The following AGBL1 variants were observed in gnomAD, a reference collection of about 807,000 sequenced individuals.
AGBL1 encodes the protein cytosolic carboxypeptidase 4.
AGBL1 carries 130 observed loss-of-function variants against 118.9 expected under a neutral mutation model. The ratio of observed to expected loss-of-function variants is 1.09; its 90% CI spans 0.95 to 1.26. AGBL1 has a LOEUF of 1.26. Among genes scored for constraint, AGBL1 ranks in the 50% most tolerant of loss-of-function variants. The probability of loss-of-function intolerance (pLI) is 0.00; values close to 1 mark genes in which losing one functional copy is unlikely to be tolerated. For missense variants in AGBL1, 1,584 were observed against 1,298.1 expected (o/e 1.22, Z -3.38); for synonymous variants, 555 against 478.9 (o/e 1.16, Z -2.08).
chr15:86,192,218 T>C (rs1885687209), intron 5 of AGBL1, among the ~76,000 whole-genome samples: 4 of 150,714 alleles, frequency 2.7e-5, no homozygotes, highest in African/African-American at 9.7e-5. Context: ...AATTTATAAA[T>C]TTATAATAAA....
chr15:86,391,729 G>A (rs960723918), intron 17 of AGBL1, among the ~76,000 whole-genome samples: 3 of 132,016 alleles, frequency 2.3e-5, no homozygotes, highest in African/African-American at 8.6e-5. Context: ...AAGGGCTGCA[G>A]AAGCAGGCAG....
At chr15:86,882,355 T>C (rs1290485411) in intron 22 of AGBL1, among the ~76,000 whole-genome samples, 1 of 152,172 alleles carries the variant, frequency 6.6e-6, no homozygotes, top group African/African-American at 2.4e-5. Context: ...AATCAAATAA[T>C]AAAACATCTC....
At chr15:86,790,375 C>T (rs373820541) in intron 22 of AGBL1, among the ~76,000 whole-genome samples, 37 of 151,616 alleles carry the variant, frequency 2.4e-4, no homozygotes, top group South Asian at 2.1e-4. Context: ...CACGCATGCA[C>T]GCACGCACAC....
intron 21 of AGBL1, among the ~76,000 whole-genome samples, chr15:86,638,309 A>G (rs1423913446): frequency 6.6e-6 from 1 of 152,174 alleles, no homozygotes; most frequent in Non-Finnish European, 1.5e-5. Flanking sequence ...GAAATTTTCT[A>G]TGAATACTTC....
intron 21 of AGBL1, among the ~76,000 whole-genome samples, chr15:86,599,659 G>A (rs1361745555): frequency 2.6e-5 from 4 of 152,070 alleles, no homozygotes; most frequent in Non-Finnish European, 4.4e-5. Context: ...CAATGGCCCA[G>A]TAAGCTATCA....
chr15:86,572,661 G>A (rs1213765548), intron 21 of AGBL1, among the ~76,000 whole-genome samples: 2 of 152,196 alleles, frequency 1.3e-5, no homozygotes, highest in South Asian at 2.1e-4. Context: ...TGTTGGGGGC[G>A]GTGCAGTCGG....
chr15:86,833,565 T>C (rs939704172), intron 22 of AGBL1, among the ~76,000 whole-genome samples: 2 of 152,076 alleles, frequency 1.3e-5, no homozygotes, highest in Non-Finnish European at 2.9e-5. Context: ...GAACTGTAGG[T>C]CCAATTAAAC....
chr15:86,829,871 C>A (rs1414682665), intron 22 of AGBL1, among the ~76,000 whole-genome samples: 1 of 152,056 alleles, frequency 6.6e-6, no homozygotes, highest in Non-Finnish European at 1.5e-5. Flanking sequence ...TTGTTCAGTT[C>A]ATTGCAGAAT....
At chr15:86,901,189 G>A (rs945012998) in intron 22 of AGBL1, among the ~76,000 whole-genome samples, 2 of 152,064 alleles carry the variant, frequency 1.3e-5, no homozygotes, top group African/African-American at 4.8e-5. Context: ...TTTCAAATAT[G>A]TTGACTAGGT....
chr15:86,730,944 C>A (rs1366777103), intron 22 of AGBL1, among the ~76,000 whole-genome samples: 5 of 152,110 alleles, frequency 3.3e-5, no homozygotes, highest in Non-Finnish European at 7.3e-5. Context: ...TCTCTTGCCT[C>A]AGTCTCCCGA....
chr15:87,028,962 C>G (rs2081761328), exon 25 of AGBL1: 9 of 1,112,524 alleles, frequency 8.1e-6, no homozygotes, highest in African/African-American at 1.6e-5. Flanking sequence ...AAATGTTGCT[C>G]CATCATCCCT....
chr15:86,341,065 G>A (rs2080454401), intron 17 of AGBL1, among the ~76,000 whole-genome samples: 1 of 152,170 alleles, frequency 6.6e-6, no homozygotes. Flanking sequence ...GGGAGTCCAG[G>A]CTTCTCACAT....
intron 16 of AGBL1, among the ~76,000 whole-genome samples, chr15:86,286,391 T>C (rs921847789): frequency 1.3e-5 from 2 of 151,214 alleles, no homozygotes; most frequent in African/African-American, 4.8e-5. Flanking sequence ...TACTATGCAA[T>C]AGATGACCAG....
intron 17 of AGBL1, among the ~76,000 whole-genome samples, chr15:86,377,459 T>C (rs12595005): frequency 0.043 from 6,535 of 152,202 alleles, 289 homozygotes; most frequent in East Asian, 0.21. Flanking sequence ...TCTAGCAGCA[T>C]TTTTGCTCTA....
At chr15:86,328,013 T>A (rs973297648) in intron 17 of AGBL1, among the ~76,000 whole-genome samples, 4 of 152,232 alleles carry the variant, frequency 2.6e-5, no homozygotes, top group Admixed American at 6.5e-5. Context: ...TTTTTAAGCC[T>A]CTGTTTTCCT....
At chr15:86,089,090 A>G (rs543987537) in intron 1 of AGBL1, among the ~76,000 whole-genome samples, 1 of 152,330 alleles carries the variant, frequency 6.6e-6, no homozygotes, top group Non-Finnish European at 1.5e-5. Flanking sequence ...TGGAAATAAA[A>G]ATTTTTTTGG....
chr15:86,223,449 T>A (rs967971901), intron 5 of AGBL1, among the ~76,000 whole-genome samples: 1 of 152,162 alleles, frequency 6.6e-6, no homozygotes, highest in African/African-American at 2.4e-5. Flanking sequence ...AGGCCCCATA[T>A]ACTATGGCAC....
At chr15:86,140,313 G>A (rs916954427) in intron 1 of AGBL1, 5 of 149,634 alleles carry the variant, frequency 3.3e-5, no homozygotes, top group African/African-American at 1.2e-4. Context: ...CTGGGATTTT[G>A]AAGTCTGATT....
intron 21 of AGBL1, among the ~76,000 whole-genome samples, chr15:86,575,899 A>C (rs2084084970): frequency 2.0e-5 from 3 of 152,204 alleles, no homozygotes; most frequent in African/African-American, 7.2e-5. Flanking sequence ...ATGGGCCTTC[A>C]TGACCTTTGA....
Sources: allele counts gnomAD v4.1 joint callset (sites outside exome capture counted in the v4.1 genomes callset), GRCh38; gene constraint gnomAD v4.1.1; transcripts MANE v1.5; gene names NCBI Gene and HGNC (gene_info 2026-07-23, HGNC 2026-07-21).